Variants in HDAC4 observed in about 807,000 individuals in gnomAD.
The protein encoded by HDAC4 is histone deacetylase A.
In HDAC4, 16 loss-of-function variants were observed where a neutral mutation model predicts 135.1. The ratio of observed to expected loss-of-function variants is 0.12; its 90% confidence interval spans 0.08 to 0.18. The LOEUF (loss-of-function observed/expected upper bound fraction) is 0.18. Ranked by LOEUF, HDAC4 falls within the 10% of genes least tolerant of loss-of-function variation. The pLI is 1.00. For synonymous variants in HDAC4, 685 were observed against 653.4 expected (o/e 1.05, Z -0.74); for missense variants, 1,143 against 1,511.8 (o/e 0.76, Z 4.05).
chr2:239,358,373 G>A (rs532251085), intron 1 of HDAC4, among the ~76,000 whole-genome samples: 30 of 152,340 alleles, frequency 2.0e-4, no homozygotes, highest in Admixed American at 1.8e-3. Context: ...CAGCTCCTAG[G>A]TTTTTCTGGC....
intron 12 of HDAC4, among the ~76,000 whole-genome samples, chr2:239,120,395 G>GCACACACAGACGCACACAGACACACA (rs769025619): frequency 6.7e-4 from 97 of 145,312 alleles, no homozygotes; most frequent in Middle Eastern, 3.5e-3. Context: ...ACACACAGAC[G>GCACACACAGACGCACACAGACACACA]CACACAGACA....
Position 239,307,265 on chromosome 2 carries a change from C to T in HDAC4, c.22+45413G>A, listed in dbSNP as rs2052647048. Among the ~76,000 whole-genome samples the T allele has an allele frequency of 6.6e-6, 1 of 152,148 alleles. No individual in the cohort carries two copies. The highest frequency in any genetic ancestry group is 6.5e-5 in the Admixed American group (1 of 15,282). ...TCCTCAGATGAGTGGGGGCTGTGCT[C>T]AGGACCCTCAGGGGACCATGGGCTA... On this transcript the variant is annotated intron_variant, in intron 2 of 26. Coordinates refer to ENST00000543185, the MANE Select transcript of HDAC4 (RefSeq NM_001378414.1). The surrounding 1 kb of genome is among the most constrained non-coding windows in gnomAD (Gnocchi z 4.8).
intron 3 of HDAC4, among the ~76,000 whole-genome samples, chr2:239,224,945 C>T (rs1000408930): frequency 6.6e-6 from 1 of 152,190 alleles, no homozygotes; most frequent in African/African-American, 2.4e-5. Context: ...AATTCAAAAT[C>T]TTCTCACACA....
intron 1 of HDAC4, among the ~76,000 whole-genome samples, chr2:239,368,011 T>C (rs1028055115): frequency 6.6e-6 from 1 of 152,130 alleles, no homozygotes; most frequent in African/African-American, 2.4e-5. Context: ...ATAAATTTCA[T>C]GTTTAGACTC....
chr2:239,117,672 A>G (rs2039266554), intron 12 of HDAC4, among the ~76,000 whole-genome samples: 1 of 151,822 alleles, frequency 6.6e-6, no homozygotes, highest in Admixed American at 6.6e-5. Context: ...ACTGAGCTGC[A>G]TTCCTCTGCA....
intron 9 of HDAC4, among the ~76,000 whole-genome samples, chr2:239,136,838 G>A (rs764457670): frequency 2.6e-5 from 4 of 152,142 alleles, no homozygotes; most frequent in African/African-American, 4.8e-5. Flanking sequence ...CAGAAAGCCC[G>A]GCCTTCTCAC....
At chr2:239,153,860 AGAGAT>A (rs2042263263) in intron 7 of HDAC4, among the ~76,000 whole-genome samples, 1 of 152,246 alleles carries the variant, frequency 6.6e-6, no homozygotes, top group Admixed American at 6.5e-5. Context: ...GGAATCTACG[AGAGAT>A]GGCGCGGGCC....
intron 22 of HDAC4, among the ~76,000 whole-genome samples, chr2:239,074,038 G>T (rs1288861002): frequency 2.1e-5 from 3 of 144,210 alleles, no homozygotes; most frequent in African/African-American, 5.2e-5. Context: ...CAGGACTGAG[G>T]GGGGCAGCAG....
Position 239,134,663 on chromosome 2 carries a change from T to C in HDAC4, c.979-20A>G. 1 of 1,579,216 alleles carries C rather than the reference T, an allele frequency of 6.3e-7. No homozygotes were observed. Among genetic ancestry groups the C allele is most frequent in the Non-Finnish European group, 8.7e-7 (1 of 1,148,128 alleles). On this transcript the variant is annotated intron_variant, in intron 9 of 26. Coordinates refer to ENST00000543185, the MANE Select transcript of HDAC4 (RefSeq NM_001378414.1). ...ACTCGTCTGGGGACAGAACACACGA[T>C]GACCATCACAGTCTGTCACGGCCAA...
chr2:239,059,022 G>A (rs1321597710), intron 24 of HDAC4, among the ~76,000 whole-genome samples: 2 of 152,314 alleles, frequency 1.3e-5, no homozygotes, highest in South Asian at 2.1e-4. Flanking sequence ...TTACCACAGT[G>A]CAATTTGTTA....
intron 14 of HDAC4, among the ~76,000 whole-genome samples, chr2:239,111,290 A>G (rs1031684867): frequency 6.6e-6 from 1 of 152,208 alleles, no homozygotes; most frequent in South Asian, 2.1e-4. Context: ...CTGGGACAGG[A>G]AAGTGGGCAA....
At position 239,123,113 on chromosome 2, in the gene HDAC4, C is replaced by T. The variant is rs1374532601; in HGVS notation, c.1533+3343G>A. Reference sequence around the variant, plus strand: ...AGTGAGAGTACCCGGTTTCTAAATCCTTCAAGAGTATACGGCATGTGAATA... The same window carrying T: ...AGTGAGAGTACCCGGTTTCTAAATCTTTCAAGAGTATACGGCATGTGAATA... On this transcript the variant is annotated intron_variant, in intron 12 of 26. Coordinates refer to ENST00000543185, the MANE Select transcript of HDAC4 (RefSeq NM_001378414.1). Among the ~76,000 whole-genome samples, 5 of 152,246 alleles carry T rather than the reference C, an allele frequency of 3.3e-5. No homozygotes were observed. In the East Asian group the frequency reaches 9.6e-4, roughly 29 times the overall value.
intron 3 of HDAC4, among the ~76,000 whole-genome samples, chr2:239,223,992 C>A (rs2047108388): frequency 6.6e-6 from 1 of 152,200 alleles, no homozygotes; most frequent in Non-Finnish European, 1.5e-5. Flanking sequence ...ACGTTCAGCG[C>A]AGGCTCGCCA....
At chr2:239,229,045 G>A (rs925175817) in intron 3 of HDAC4, among the ~76,000 whole-genome samples, 3 of 152,194 alleles carry the variant, frequency 2.0e-5, no homozygotes, top group African/African-American at 4.8e-5. Flanking sequence ...AGGAGGCTGA[G>A]GCAGGAGAAT....
At chr2:239,138,931 T>C (rs1482781361) in intron 9 of HDAC4, among the ~76,000 whole-genome samples, 1 of 152,136 alleles carries the variant, frequency 6.6e-6, no homozygotes, top group Admixed American at 6.5e-5. Flanking sequence ...TGGGCGCCAC[T>C]CCTCCCTGCC....
At chr2:239,088,738 A>G (rs1289094856) in intron 18 of HDAC4, among the ~76,000 whole-genome samples, 1 of 152,170 alleles carries the variant, frequency 6.6e-6, no homozygotes. Flanking sequence ...GAGTAAAGAG[A>G]CGGGAAGGAA....
chr2:239,322,775 T>G (rs761340294), intron 2 of HDAC4, among the ~76,000 whole-genome samples: 7 of 152,052 alleles, frequency 4.6e-5, no homozygotes, highest in Non-Finnish European at 8.8e-5. Flanking sequence ...GTAGCCTGGG[T>G]CTGTCACTCG....
chr2:239,110,458 T>C (rs2038568680), intron 14 of HDAC4, among the ~76,000 whole-genome samples: 1 of 152,196 alleles, frequency 6.6e-6, no homozygotes, highest in Admixed American at 6.5e-5. Context: ...AACACACTTA[T>C]TGCAGTCAGC....
chr2:239,291,239 G>A (rs901199169), intron 2 of HDAC4, among the ~76,000 whole-genome samples: 20 of 152,234 alleles, frequency 1.3e-4, no homozygotes, highest in African/African-American at 4.3e-4. Flanking sequence ...AAAGCATGGC[G>A]GGTAAGAACG....
Sources: gnomAD v4.1 joint callset for allele counts (sites outside exome capture counted in the v4.1 genomes callset) on GRCh38, gnomAD v4.1.1 for gene constraint, Gnocchi (gnomAD v3.1) non-coding constraint, MANE v1.5 for transcripts, NCBI Gene and HGNC (gene_info 2026-07-23, HGNC 2026-07-21) for gene names.